CNTN5: variants seen among roughly 807,000 people sequenced by gnomAD.
The protein encoded by CNTN5 is contactin 5, also known as contactin-5.
A neutral mutation model predicts 129.1 loss-of-function variants in CNTN5; 77 were observed. The ratio of observed to expected loss-of-function variants is 0.60; its 90% CI spans 0.50 to 0.72. The LOEUF is 0.72. Among genes scored for constraint, CNTN5 ranks in the 30% least tolerant of loss-of-function variants. The probability of loss-of-function intolerance (pLI) is 0.00; values close to 1 mark genes in which losing one functional copy is unlikely to be tolerated. For missense variants in CNTN5, 1,478 were observed against 1,328.8 expected (o/e 1.11, Z -1.75); for synonymous variants, 509 against 465.6 (o/e 1.09, Z -1.20).
At chr11:99,215,053 G>A (rs757675642) in intron 1 of CNTN5, among the ~76,000 whole-genome samples, 3 of 151,934 alleles carry the variant, frequency 2.0e-5, no homozygotes, top group East Asian at 1.9e-4. Flanking sequence ...GAAGATAATG[G>A]GTTTCTAGTG....
intron 1 of CNTN5, among the ~76,000 whole-genome samples, chr11:99,183,197 C>A (rs1331076784): frequency 1.3e-5 from 2 of 152,134 alleles, no homozygotes; most frequent in African/African-American, 4.8e-5. Context: ...CTTCTAGAAG[C>A]AACACCATAA....
At chr11:99,748,099 G>T (rs1944115267) in intron 3 of CNTN5, among the ~76,000 whole-genome samples, 1 of 152,052 alleles carries the variant, frequency 6.6e-6, no homozygotes, top group East Asian at 1.9e-4. Context: ...ATGTGCTGCT[G>T]AATTGAGTTT....
intron 3 of CNTN5, among the ~76,000 whole-genome samples, chr11:99,758,121 A>G (rs1388998369): frequency 6.6e-6 from 1 of 152,054 alleles, no homozygotes; most frequent in African/African-American, 2.4e-5. Flanking sequence ...TGCTAGCAGT[A>G]TATTTCTCCA....
chr11:100,170,784 C>T (rs2138406896), intron 13 of CNTN5, among the ~76,000 whole-genome samples: 1 of 151,506 alleles, frequency 6.6e-6, no homozygotes, highest in South Asian at 2.1e-4. Flanking sequence ...GAAACTTAAA[C>T]TTCAAGGCAA....
intron 1 of CNTN5, among the ~76,000 whole-genome samples, chr11:99,272,685 C>T (rs1021417697): frequency 5.3e-5 from 8 of 151,680 alleles, no homozygotes; most frequent in African/African-American, 1.9e-4. Context: ...TAATCTGTAC[C>T]ATGATACTTA....
At chr11:99,645,924 A>T (rs1259155037) in intron 3 of CNTN5, among the ~76,000 whole-genome samples, 6 of 152,184 alleles carry the variant, frequency 3.9e-5, no homozygotes, top group African/African-American at 1.4e-4. Flanking sequence ...TTGCACATGT[A>T]TCCCATAACT....
intron 21 of CNTN5, among the ~76,000 whole-genome samples, chr11:100,334,808 T>G (rs1764043924): frequency 1.3e-5 from 2 of 152,020 alleles, no homozygotes; most frequent in Non-Finnish European, 2.9e-5. Context: ...GGGATAAAAG[T>G]TCTCGCATTG....
intron 1 of CNTN5, among the ~76,000 whole-genome samples, chr11:99,104,606 C>T (rs927765816): frequency 3.6e-5 from 5 of 137,524 alleles, no homozygotes; most frequent in African/African-American, 1.1e-4. Context: ...AATCTACCTA[C>T]AATGTGTGTG....
chr11:99,873,380 A>G (rs1480551090), intron 6 of CNTN5, among the ~76,000 whole-genome samples: 3 of 152,076 alleles, frequency 2.0e-5, no homozygotes, highest in Non-Finnish European at 2.9e-5. Context: ...AAAACTAACA[A>G]CCCCATTAGA....
At chr11:100,163,344 C>T (rs1367688576) in intron 13 of CNTN5, among the ~76,000 whole-genome samples, 2 of 151,518 alleles carry the variant, frequency 1.3e-5, no homozygotes, top group Non-Finnish European at 3.0e-5. Context: ...TTTTGTTTTA[C>T]ATTATGCCAC....
intron 1 of CNTN5, among the ~76,000 whole-genome samples, chr11:99,209,482 A>G (rs1389360164): frequency 1.8e-4 from 3 of 16,608 alleles, no homozygotes; most frequent in Admixed American, 8.9e-4. Flanking sequence ...TAGATCTTGC[A>G]TGAACAGAGA....
intron 17 of CNTN5, among the ~76,000 whole-genome samples, chr11:100,264,855 T>A (rs565784036): frequency 3.8e-4 from 58 of 152,278 alleles, no homozygotes; most frequent in African/African-American, 1.4e-3. Flanking sequence ...ACCAACAGTA[T>A]AAAAGTGTTC....
chr11:99,658,733 A>ATG (rs1952479264), intron 3 of CNTN5, among the ~76,000 whole-genome samples: 1 of 147,666 alleles, frequency 6.8e-6, no homozygotes, highest in Non-Finnish European at 1.5e-5. Flanking sequence ...ATATATATAT[A>ATG]TAAAATTAGC....
At chr11:99,772,105 T>C (rs1357079412) in intron 3 of CNTN5, among the ~76,000 whole-genome samples, 1 of 151,802 alleles carries the variant, frequency 6.6e-6, no homozygotes, top group Non-Finnish European at 1.5e-5. Context: ...GAGTGCTCTT[T>C]CTGAAGAATC....
intron 2 of CNTN5, among the ~76,000 whole-genome samples, chr11:99,468,591 A>G (rs1180972180): frequency 6.6e-6 from 1 of 151,492 alleles, no homozygotes; most frequent in Non-Finnish European, 1.5e-5. Context: ...GCTTCTTTCC[A>G]CTCAAATTCT....
intron 16 of CNTN5, among the ~76,000 whole-genome samples, chr11:100,239,042 AC>A (rs569037038): frequency 1.1e-3 from 175 of 152,280 alleles, no homozygotes; most frequent in African/African-American, 3.7e-3. Context: ...GCTGTGAATC[AC>A]CATTAGGGCC....
At chr11:99,749,407 G>C (rs2135207556) in intron 3 of CNTN5, among the ~76,000 whole-genome samples, 1 of 152,272 alleles carries the variant, frequency 6.6e-6, no homozygotes, top group Non-Finnish European at 1.5e-5. Flanking sequence ...GATTAAGTTA[G>C]TTACTATATG....
intron 1 of CNTN5, among the ~76,000 whole-genome samples, chr11:99,183,910 T>A (rs537846950): frequency 1.3e-5 from 2 of 152,260 alleles, no homozygotes; most frequent in East Asian, 3.9e-4. Context: ...CCCATTCTGT[T>A]GCCCGTGTCA....
intron 3 of CNTN5, among the ~76,000 whole-genome samples, chr11:99,754,098 G>GCA (rs1420687704): frequency 3.3e-5 from 5 of 152,174 alleles, no homozygotes; most frequent in Non-Finnish European, 7.4e-5. Context: ...TTAGGTCATA[G>GCA]GTAGTGGTGT....
Sources: gnomAD v4.1 joint callset for allele counts (sites outside exome capture counted in the v4.1 genomes callset) on GRCh38, gnomAD v4.1.1 for gene constraint, MANE v1.5 for transcripts, NCBI Gene and HGNC (gene_info 2026-07-23, HGNC 2026-07-21) for gene names.